The following ESRRG variants were observed in gnomAD, a reference collection of about 807,000 sequenced individuals.
ESRRG encodes estrogen-related receptor gamma.
ESRRG carries 13 observed loss-of-function variants against 44.0 expected under a neutral mutation model. The ratio of observed to expected loss-of-function variants is 0.30; its 90% CI spans 0.19 to 0.47. The LOEUF is 0.47. Ranked by LOEUF, ESRRG falls within the 20% of genes least tolerant of loss-of-function variation. The probability of loss-of-function intolerance (pLI) is 1.00; values close to 1 mark genes in which losing one functional copy is unlikely to be tolerated. For missense variants in ESRRG, 395 were observed against 580.6 expected (o/e 0.68, Z 3.29); for synonymous variants, 215 against 214.6 (o/e 1.00, Z -0.02).
At chr1:216,924,254 A>G (rs906632651) in intron 2 of ESRRG, among the ~76,000 whole-genome samples, 7 of 152,162 alleles carry the variant, frequency 4.6e-5, no homozygotes, top group African/African-American at 7.2e-5. Context: ...CATAATCCTG[A>G]ACATTGTCAA....
chr1:216,704,012 T>G (rs1313240211), intron 1 of ESRRG, among the ~76,000 whole-genome samples: 1 of 152,200 alleles, frequency 6.6e-6, no homozygotes, highest in African/African-American at 2.4e-5. Flanking sequence ...TTTCTTGAAG[T>G]AAAAAGTATT....
chr1:217,000,852 T>C (rs2076946078), intron 1 of ESRRG: 1 of 152,220 alleles, frequency 6.6e-6, no homozygotes, highest in African/African-American at 2.4e-5. Flanking sequence ...TCCATGCCAA[T>C]TGAAACTCCA....
At chr1:216,776,106 A>T (rs2093605216) in intron 2 of ESRRG, among the ~76,000 whole-genome samples, 1 of 152,072 alleles carries the variant, frequency 6.6e-6, no homozygotes, top group South Asian at 2.1e-4. Flanking sequence ...TGTTACTTTT[A>T]GATTAAGGGC....
At chr1:216,995,493 A>T (rs2076260153) in intron 1 of ESRRG, among the ~76,000 whole-genome samples, 1 of 152,142 alleles carries the variant, frequency 6.6e-6, no homozygotes, top group Non-Finnish European at 1.5e-5. Flanking sequence ...CTTCATTGTC[A>T]TTCCTGTAAG....
intron 1 of ESRRG, among the ~76,000 whole-genome samples, chr1:217,004,792 C>T (rs1392863317): frequency 1.3e-5 from 2 of 151,938 alleles, no homozygotes; most frequent in South Asian, 2.1e-4. Flanking sequence ...ATATATAGTG[C>T]CTGTGAAATG....
intron 2 of ESRRG, chr1:216,805,052 T>G (rs2148368789): frequency 6.6e-6 from 1 of 152,284 alleles, no homozygotes; most frequent in South Asian, 2.1e-4. Flanking sequence ...GCTGAAGAAA[T>G]TAGTGAGAAA....
intron 1 of ESRRG, among the ~76,000 whole-genome samples, chr1:216,972,681 G>A (rs906846781): frequency 1.3e-5 from 2 of 152,172 alleles, no homozygotes; most frequent in Non-Finnish European, 2.9e-5. Flanking sequence ...AAGTTTAAGT[G>A]TCTGCTCTGC....
intron 2 of ESRRG, among the ~76,000 whole-genome samples, chr1:216,807,188 C>T (rs1238203039): frequency 4.6e-5 from 7 of 152,114 alleles, no homozygotes; most frequent in Non-Finnish European, 7.4e-5. Flanking sequence ...GGAAGTCCCT[C>T]GAAGTCTAAT....
intron 1 of ESRRG, among the ~76,000 whole-genome samples, chr1:216,711,316 T>G (rs2083556637): frequency 6.6e-6 from 1 of 152,142 alleles, no homozygotes; most frequent in African/African-American, 2.4e-5. Flanking sequence ...TCGGCTCCAC[T>G]GCCAACTCGG....
At chr1:217,099,310 T>G (rs1489478113) in intron 1 of ESRRG, among the ~76,000 whole-genome samples, 1 of 151,558 alleles carries the variant, frequency 6.6e-6, no homozygotes, top group Non-Finnish European at 1.5e-5. Context: ...GCTAATGAAG[T>G]GGATATTATT....
At chr1:216,766,712 G>C (rs748309371) in intron 2 of ESRRG, among the ~76,000 whole-genome samples, 3 of 152,022 alleles carry the variant, frequency 2.0e-5, no homozygotes, top group Non-Finnish European at 4.4e-5. Flanking sequence ...TTTATCAGAA[G>C]TTACACCAGA....
chr1:216,640,881 G>A (rs966458971), intron 3 of ESRRG, among the ~76,000 whole-genome samples: 2 of 152,152 alleles, frequency 1.3e-5, no homozygotes, highest in African/African-American at 4.8e-5. Context: ...ACATTAAACA[G>A]AGTCCTATAT....
chr1:217,053,477 GAAA>G (rs2086504460), intron 1 of ESRRG, among the ~76,000 whole-genome samples: 1 of 148,864 alleles, frequency 6.7e-6, no homozygotes. Context: ...AAGAAAGAAA[GAAA>G]GAAAGAAAGA....
upstream of ESRRG, among the ~76,000 whole-genome samples, chr1:216,724,621 G>A (rs2087105360): frequency 6.6e-6 from 1 of 151,946 alleles, no homozygotes; most frequent in Non-Finnish European, 1.5e-5. Context: ...ATAAGAACTA[G>A]TTTCAAACAG....
At chr1:216,734,887 C>A (rs1392887350) in intron 2 of ESRRG, among the ~76,000 whole-genome samples, 2 of 148,308 alleles carry the variant, frequency 1.3e-5, no homozygotes, top group Admixed American at 6.8e-5. Flanking sequence ...AAGTTGGCTA[C>A]TACATAGTTC....
intron 2 of ESRRG, among the ~76,000 whole-genome samples, chr1:216,821,817 C>T (rs1459090917): frequency 1.3e-5 from 2 of 151,220 alleles, no homozygotes; most frequent in African/African-American, 4.9e-5. Context: ...CAACCTAATG[C>T]CTATCTCACT....
chr1:216,904,073 G>T (rs182321804), intron 2 of ESRRG, among the ~76,000 whole-genome samples: 51 of 152,172 alleles, frequency 3.4e-4, no homozygotes, highest in African/African-American at 1.1e-3. Context: ...ACCTTGCAGG[G>T]TTGCTGTACG....
chr1:216,950,425 T>G (rs562595201), intron 1 of ESRRG, among the ~76,000 whole-genome samples: 1 of 152,344 alleles, frequency 6.6e-6, no homozygotes, highest in South Asian at 2.1e-4. Context: ...GTTTTTTCGT[T>G]GTTTATAGCT....
intron 1 of ESRRG, among the ~76,000 whole-genome samples, chr1:216,972,992 C>T (rs902997507): frequency 1.2e-4 from 18 of 152,156 alleles, no homozygotes; most frequent in Non-Finnish European, 2.1e-4. Flanking sequence ...ACCTTTGAAG[C>T]AGACCCAGGG....
Sources: gnomAD v4.1 joint callset for allele counts (sites outside exome capture counted in the v4.1 genomes callset) on GRCh38, gnomAD v4.1.1 for gene constraint, MANE v1.5 for transcripts, NCBI Gene and HGNC (gene_info 2026-07-23, HGNC 2026-07-21) for gene names.